The following ST7 variants were observed in gnomAD, a reference collection of about 807,000 sequenced individuals.
ST7 encodes the protein suppressor of tumorigenicity 7 protein.
In ST7, 28 loss-of-function variants were observed where a neutral mutation model predicts 78.7. That is an observed-to-expected ratio of 0.36 (90% CI 0.26 to 0.49). The LOEUF is 0.49. Among genes scored for constraint, ST7 ranks in the 20% least tolerant of loss-of-function variants. ST7 has a pLI of 0.99. For synonymous variants in ST7, 247 were observed against 249.6 expected (o/e 0.99, Z 0.10); for missense variants, 418 against 696.0 (o/e 0.60, Z 4.49).
chr7:117,182,742 A>G (rs1808874861), intron 10 of ST7: 1 of 152,170 alleles, frequency 6.6e-6, no homozygotes, highest in African/African-American at 2.4e-5. Context: ...TGAGCTCTCT[A>G]CTGGTCAGTT....
chr7:117,084,664 C>A (rs775031618), intron 1 of ST7, among the ~76,000 whole-genome samples: 3 of 152,072 alleles, frequency 2.0e-5, no homozygotes, highest in African/African-American at 2.4e-5. Context: ...ACTAAGACAC[C>A]ATGTAAAGCA....
At chr7:117,015,819 C>T (rs1030321768) in intron 1 of ST7, among the ~76,000 whole-genome samples, 7 of 152,122 alleles carry the variant, frequency 4.6e-5, no homozygotes, top group Admixed American at 3.3e-4. Flanking sequence ...TGTTTGCTGA[C>T]AGATTGCTTT....
At chr7:117,209,455 GT>G (rs2116029800) in intron 12 of ST7, among the ~76,000 whole-genome samples, 1 of 152,224 alleles carries the variant, frequency 6.6e-6, no homozygotes, top group African/African-American at 2.4e-5. Flanking sequence ...GTTTTATAAG[GT>G]TTCATTCTGC....
At position 117,097,909 on chromosome 7, in the gene ST7, T is replaced by TATATATATATATATATATATATA. The variant is rs1554436004; in HGVS notation, c.152-1853_152-1852insATATATATATATATATATATATA. On this transcript the variant is annotated intron_variant, in intron 1 of 15. Transcript: ENST00000323984. ...ATATATATATATATATATATATATA[T>TATATATATATATATATATATATA]TTTTTTTTTTTTTTTTTTTGATGGC... Among the ~76,000 whole-genome samples, 11 of 15,354 alleles carry TATATATATATATATATATATATA rather than the reference T, an allele frequency of 7.2e-4. 1 individual carries two copies. Among genetic ancestry groups the TATATATATATATATATATATATA allele is most frequent in the Non-Finnish European group, 1.1e-3 (9 of 8,110 alleles). The allele number at this position is 15,354 out of a possible 152,430, so 10.1% of individuals were successfully genotyped here. A position where few individuals can be genotyped will look rare whatever the true frequency, so the allele number is the denominator to read the frequency against.
intron 1 of ST7, chr7:116,972,933 C>G (rs182635705): frequency 3.9e-6 from 5 of 1,268,846 alleles, no homozygotes; most frequent in African/African-American, 1.5e-5. Flanking sequence ...AGCTACTGCT[C>G]GCACTCCGAT....
At chr7:117,161,444 T>G (rs572736241) in intron 9 of ST7, among the ~76,000 whole-genome samples, 1 of 152,128 alleles carries the variant, frequency 6.6e-6, no homozygotes, top group East Asian at 1.9e-4. Flanking sequence ...TTCTTTTATT[T>G]ATTTTTTTGT....
chr7:117,153,462 G>T (rs531723518), intron 9 of ST7, among the ~76,000 whole-genome samples: 1 of 152,102 alleles, frequency 6.6e-6, no homozygotes, highest in South Asian at 2.1e-4. Flanking sequence ...AAGAAGAGGA[G>T]GGAGAAGTGC....
intron 2 of ST7, among the ~76,000 whole-genome samples, chr7:117,104,344 G>T (rs568128341): frequency 6.6e-6 from 1 of 152,162 alleles, no homozygotes; most frequent in Non-Finnish European, 1.5e-5. Context: ...GGAGGCTGAG[G>T]CAGCAGAATC....
At chr7:117,058,958 C>T (rs1032871800) in intron 1 of ST7, among the ~76,000 whole-genome samples, 2 of 152,240 alleles carry the variant, frequency 1.3e-5, no homozygotes, top group East Asian at 1.9e-4. Context: ...AGAGAAACTT[C>T]GCCTGTTCTC....
intron 10 of ST7, among the ~76,000 whole-genome samples, chr7:117,183,652 A>T (rs575796833): frequency 7.9e-5 from 12 of 152,260 alleles, no homozygotes; most frequent in African/African-American, 2.6e-4. Context: ...TGAACACAAT[A>T]TATTAGTTTT....
At chr7:117,147,838 T>C (rs1343884248) in intron 9 of ST7, among the ~76,000 whole-genome samples, 1 of 152,190 alleles carries the variant, frequency 6.6e-6, no homozygotes, top group Non-Finnish European at 1.5e-5. Flanking sequence ...CCCTGTATAG[T>C]ATGTTTTACC....
intron 1 of ST7, among the ~76,000 whole-genome samples, chr7:116,996,328 C>T (rs546935639): frequency 2.6e-5 from 4 of 152,288 alleles, no homozygotes; most frequent in African/African-American, 2.4e-5. Context: ...CCACCCACCT[C>T]GGCCTCCCAA....
At chr7:117,156,197 A>G (rs971097059) in intron 9 of ST7, among the ~76,000 whole-genome samples, 1 of 152,182 alleles carries the variant, frequency 6.6e-6, no homozygotes, top group African/African-American at 2.4e-5. Context: ...GAGGACAAGA[A>G]TTTTTTATGC....
chr7:117,191,064 G>A, intron 12 of ST7, 128 bp downstream of exon 12: 1 of 725,594 alleles, frequency 1.4e-6, no homozygotes. Context: ...TTGAGACCCT[G>A]TATAATGTAT....
chr7:117,161,358 G>C (rs1371750505), intron 9 of ST7, among the ~76,000 whole-genome samples: 1 of 151,822 alleles, frequency 6.6e-6, no homozygotes, highest in African/African-American at 2.4e-5. Context: ...GCACTGCTTA[G>C]AATTTAAAAT....
At chr7:117,169,172 G>A (rs905124863) in intron 9 of ST7, among the ~76,000 whole-genome samples, 10 of 124,770 alleles carry the variant, frequency 8.0e-5, no homozygotes, top group African/African-American at 3.2e-4. Flanking sequence ...GTCTCACTCT[G>A]TTGCCCAGAC....
intron 1 of ST7, among the ~76,000 whole-genome samples, chr7:117,056,040 C>T (rs755610170): frequency 1.3e-5 from 2 of 152,080 alleles, no homozygotes; most frequent in Non-Finnish European, 2.9e-5. Flanking sequence ...TCTTGTTTGT[C>T]TTTTCACGTT....
At chr7:117,062,746 T>A (rs1798425343) in intron 1 of ST7, among the ~76,000 whole-genome samples, 1 of 152,226 alleles carries the variant, frequency 6.6e-6, no homozygotes, top group Non-Finnish European at 1.5e-5. Context: ...AAAAAGTGAA[T>A]GTTTATGTTC....
At chr7:117,111,195 T>C (rs1416608846) in intron 2 of ST7, among the ~76,000 whole-genome samples, 2 of 152,176 alleles carry the variant, frequency 1.3e-5, no homozygotes, top group African/African-American at 2.4e-5. Context: ...AGAGGCAGCA[T>C]TGAGGTAAAG....
Sources: gnomAD v4.1 joint callset for allele counts (sites outside exome capture counted in the v4.1 genomes callset) on GRCh38, gnomAD v4.1.1 for gene constraint, MANE v1.5 for transcripts, NCBI Gene and HGNC (gene_info 2026-07-23, HGNC 2026-07-21) for gene names.